Variants in DOCK3 observed in about 807,000 individuals in gnomAD.
The protein encoded by DOCK3 is dedicator of cytokinesis protein 3.
Under a neutral mutation model 265.6 loss-of-function variants are expected in DOCK3, and 60 were observed. That is an observed-to-expected ratio of 0.23 (90% CI 0.18 to 0.28). DOCK3 has a LOEUF of 0.28. Among genes scored for constraint, DOCK3 ranks in the 10% least tolerant of loss-of-function variants. The probability of loss-of-function intolerance (pLI) is 1.00; values close to 1 mark genes in which losing one functional copy is unlikely to be tolerated. For missense variants in DOCK3, 1,981 were observed against 2,594.3 expected (o/e 0.76, Z 5.14); for synonymous variants, 881 against 938.0 (o/e 0.94, Z 1.11).
chr3:51,060,416 A>G (rs971441559), intron 5 of DOCK3, among the ~76,000 whole-genome samples: 1 of 152,076 alleles, frequency 6.6e-6, no homozygotes, highest in Non-Finnish European at 1.5e-5. Flanking sequence ...CCATTTGTCA[A>G]TTTTGGCTTC....
At chr3:50,795,374 T>A (rs560758132) in intron 2 of DOCK3, among the ~76,000 whole-genome samples, 2 of 152,254 alleles carry the variant, frequency 1.3e-5, no homozygotes, top group East Asian at 3.9e-4. Flanking sequence ...CAATGAGTTA[T>A]GGATTTTGTC....
chr3:51,152,998 A>C (rs2085680308), intron 10 of DOCK3, among the ~76,000 whole-genome samples: 1 of 152,186 alleles, frequency 6.6e-6, no homozygotes, highest in Admixed American at 6.5e-5. Flanking sequence ...CTCAGAGCTC[A>C]AACACTGTGC....
chr3:50,758,404 G>T (rs752768146), intron 1 of DOCK3, among the ~76,000 whole-genome samples: 1 of 151,552 alleles, frequency 6.6e-6, no homozygotes, highest in African/African-American at 2.4e-5. Context: ...GGATATTCTG[G>T]ATCTCTGTAT....
chr3:50,720,555 A>G (rs192310890), intron 1 of DOCK3, among the ~76,000 whole-genome samples: 1 of 151,998 alleles, frequency 6.6e-6, no homozygotes, highest in African/African-American at 2.4e-5. Context: ...GGGCTTTTAG[A>G]TTGATTCTAT....
intron 2 of DOCK3, among the ~76,000 whole-genome samples, chr3:50,817,640 A>G (rs544560471): frequency 4.6e-5 from 7 of 151,950 alleles, no homozygotes; most frequent in Non-Finnish European, 8.8e-5. Flanking sequence ...TCTAAACGTT[A>G]TAACTTCTCG....
At position 51,310,329 on chromosome 3, in the gene DOCK3, A is replaced by G. The variant is rs761340849; in HGVS notation, c.3017+3A>G. ...GTAATGAGACTGCTCACAAGCAAGTAAGTATGGAAGGGCTCTGTATCAGCA... is the reference window on the plus strand; with the variant it reads ...GTAATGAGACTGCTCACAAGCAAGTGAGTATGGAAGGGCTCTGTATCAGCA... On this transcript the variant is annotated splice_donor_region_variant and intron_variant, in intron 28 of 52. Transcript: ENST00000266037. 8.8e-6 allele frequency: 14 copies of G among 1,586,464 alleles called. No homozygotes were observed. The highest frequency in any genetic ancestry group is 3.6e-5 in the Admixed American group (2 of 55,908).
intron 2 of DOCK3, among the ~76,000 whole-genome samples, chr3:50,820,934 G>A (rs1316539774): frequency 6.6e-6 from 1 of 150,384 alleles, no homozygotes; most frequent in East Asian, 2.0e-4. Context: ...TTTGTTGGCT[G>A]CCTGTGTGTT....
intron 4 of DOCK3, among the ~76,000 whole-genome samples, chr3:50,907,000 C>T (rs1016210694): frequency 2.0e-5 from 3 of 152,112 alleles, no homozygotes; most frequent in East Asian, 3.9e-4. Context: ...TTTCTGCCTT[C>T]ATTTTGTTAT....
chr3:50,961,192 G>A (rs1410031610), intron 5 of DOCK3, among the ~76,000 whole-genome samples: 1 of 152,066 alleles, frequency 6.6e-6, no homozygotes, highest in East Asian at 1.9e-4. Context: ...GCTATTTTGG[G>A]TCCTTTACAT....
chr3:51,228,029 C>G lies in DOCK3; in HGVS notation c.1588C>G (p.Leu530Val). ...KKLFGFAFST[L>V]MRDDGTTLSD... ...ACTCTTTGGCTTTGCATTCTCAACC[C>G]TGATGCGTGATGATGGCACCACCCT... The change falls in exon 17 of 53, where the codon CTG becomes GTG. Residue 530 changes from leucine to valine, a missense_variant. Leu to Val is a conservative substitution (Grantham distance 32, BLOSUM62 1). Coordinates refer to ENST00000266037, the MANE Select transcript of DOCK3 (RefSeq NM_004947.5). 1 of 1,614,014 alleles carries G rather than the reference C, an allele frequency of 6.2e-7. No homozygotes were observed. Among genetic ancestry groups the G allele is most frequent in the Non-Finnish European group, 8.5e-7 (1 of 1,179,890 alleles).
Position 51,114,630 on chromosome 3 carries a change from G to A in DOCK3, c.746+24246G>A, listed in dbSNP as rs139899897. The stretch of plus-strand genomic sequence containing the variant: ...AACAAAATGGACAGGGTTAGGGAAG[G>A]CTTTTTTGTTGTTGTTGTTTCTTTG... On this transcript the variant is annotated intron_variant, in intron 9 of 52. Coordinates refer to ENST00000266037, the MANE Select transcript of DOCK3 (RefSeq NM_004947.5). 7.7e-3 allele frequency among the ~76,000 whole-genome samples: 1,166 copies of A among 152,254 alleles called. 10 individuals are homozygous for A. Among genetic ancestry groups the A allele is most frequent in the Non-Finnish European group, 8.0e-3 (545 of 68,016 alleles).
chr3:50,786,166 T>G (rs7639828), intron 2 of DOCK3, among the ~76,000 whole-genome samples: 116,614 of 151,970 alleles, frequency 0.77, 45,697 homozygotes, highest in Middle Eastern at 0.88. Context: ...CTTGTTTTGT[T>G]TCTAATTGAG....
At chr3:51,160,188 TA>T (rs1297626357) in intron 11 of DOCK3, among the ~76,000 whole-genome samples, 3 of 152,256 alleles carry the variant, frequency 2.0e-5, no homozygotes, top group Non-Finnish European at 4.4e-5. Flanking sequence ...ACCTGGCAGC[TA>T]AAATACTAAA....
chr3:50,971,278 C>T (rs899673776), intron 5 of DOCK3, among the ~76,000 whole-genome samples: 2 of 151,904 alleles, frequency 1.3e-5, no homozygotes, highest in Admixed American at 6.6e-5. Context: ...AATTGTTTCT[C>T]TGTTTCCTTC....
At chr3:50,935,947 A>C (rs1332164576) in intron 5 of DOCK3, among the ~76,000 whole-genome samples, 1 of 152,248 alleles carries the variant, frequency 6.6e-6, no homozygotes, top group African/African-American at 2.4e-5. Flanking sequence ...ATGAAAAATC[A>C]GGAAAATAGA....
intron 1 of DOCK3, among the ~76,000 whole-genome samples, chr3:50,763,851 TC>T (rs1404804973): frequency 3.9e-5 from 6 of 152,308 alleles, no homozygotes; most frequent in African/African-American, 1.4e-4. Flanking sequence ...TTCATCGATT[TC>T]TTTGCTCAGT....
intron 5 of DOCK3, among the ~76,000 whole-genome samples, chr3:51,063,598 A>C (rs2081495714): frequency 6.6e-6 from 1 of 152,228 alleles, no homozygotes; most frequent in Non-Finnish European, 1.5e-5. Flanking sequence ...AGCATTATTT[A>C]TAGATCAGTT....
intron 5 of DOCK3, among the ~76,000 whole-genome samples, chr3:50,962,306 A>G (rs886732511): frequency 2.0e-5 from 3 of 152,220 alleles, no homozygotes; most frequent in Non-Finnish European, 4.4e-5. Flanking sequence ...CTTACAATGC[A>G]TATTGAAGTG....
At chr3:51,362,148 G>A (rs928795482) in intron 48 of DOCK3, among the ~76,000 whole-genome samples, 151 bp downstream of exon 48, 1 of 152,132 alleles carries the variant, frequency 6.6e-6, no homozygotes, top group Non-Finnish European at 1.5e-5. Flanking sequence ...GAAAGCTGCC[G>A]TTCCTCCACA....
Sources: gnomAD v4.1 joint callset for allele counts (sites outside exome capture counted in the v4.1 genomes callset) on GRCh38, gnomAD v4.1.1 for gene constraint, MANE v1.5 for transcripts, NCBI Gene and HGNC (gene_info 2026-07-23, HGNC 2026-07-21) for gene names.